IGF1R: variants seen among roughly 807,000 people sequenced by gnomAD.
IGF1R encodes the protein insulin-like growth factor 1 receptor.
A neutral mutation model predicts 144.6 loss-of-function variants in IGF1R; 44 were observed. The ratio of observed to expected loss-of-function variants is 0.30; its 90% CI spans 0.24 to 0.39. The LOEUF (loss-of-function observed/expected upper bound fraction) is 0.39. Ranked by LOEUF, IGF1R falls within the 10% of genes least tolerant of loss-of-function variation. IGF1R has a pLI of 1.00. For missense variants in IGF1R, 1,355 were observed against 1,833.7 expected, an observed-to-expected ratio of 0.74 and a Z score of 4.77; for synonymous variants, 795 against 722.8, an observed-to-expected ratio of 1.10 and a Z score of -1.60.
At chr15:98,951,348 C>T (rs959828974) in intron 20 of IGF1R, among the ~76,000 whole-genome samples, 4 of 152,240 alleles carry the variant, frequency 2.6e-5, no homozygotes, top group Admixed American at 1.3e-4. Context: ...CCCAGCATGG[C>T]CTCTTCAGAA....
intron 2 of IGF1R, among the ~76,000 whole-genome samples, chr15:98,759,684 G>A (rs534516200): frequency 1.1e-4 from 16 of 152,250 alleles, no homozygotes; most frequent in Non-Finnish European, 1.5e-4. Flanking sequence ...TAGGGACCTG[G>A]GGCAATATGT....
chr15:98,763,799 G>C (rs185863723), intron 2 of IGF1R, among the ~76,000 whole-genome samples: 10 of 152,306 alleles, frequency 6.6e-5, no homozygotes. Flanking sequence ...AAATGAGTGG[G>C]TTGTCCAGGT....
At chr15:98,780,560 AAAAAAAAAAAAAAAAGAGAG>A (rs1272636040) in intron 2 of IGF1R, among the ~76,000 whole-genome samples, 3 of 17,976 alleles carry the variant, frequency 1.7e-4, no homozygotes, top group African/African-American at 2.9e-4. Context: ...AAAAAAAAAA[AAAAAAAAAAAAAAAAGAGAG>A]AGAGAGTAAA....
rs1446592274 is a variant in IGF1R at position 98,908,673 on chromosome 15, C to T, written c.1248-12C>T. ...AGGGCAGGTGCGCTAACATCGATTT[C>T]TGTGCTTCTAGGAATTACTCCTTCT... On this transcript the variant is annotated splice_polypyrimidine_tract_variant and intron_variant, in intron 5 of 20. Transcript: ENST00000650285. 1 of 1,611,880 alleles carries T rather than the reference C, an allele frequency of 6.2e-7. No homozygotes were observed. The highest frequency in any genetic ancestry group is 8.5e-7 in the Non-Finnish European group (1 of 1,178,568).
At chr15:98,806,364 C>G (rs767116797) in intron 2 of IGF1R, among the ~76,000 whole-genome samples, 61 of 152,260 alleles carry the variant, frequency 4.0e-4, no homozygotes, top group Admixed American at 1.2e-3. Context: ...GTGTGGTGTC[C>G]AAGCTGACTT....
In IGF1R at chr15:98,960,283, T is replaced by C. The variant is rs2017171491; in HGVS notation, c.*2841T>C. The C allele has an allele frequency of 5.4e-6, 1 of 185,406 alleles. No individual in the cohort carries two copies. Among genetic ancestry groups the C allele is most frequent in the African/African-American group, 2.6e-5 (1 of 38,260 alleles). The allele number at this position is 185,406 out of a possible 1,614,324, so 11.5% of individuals were successfully genotyped here. A position where few individuals can be genotyped will look rare whatever the true frequency, so the allele number is the denominator to read the frequency against. On this transcript the variant is annotated 3_prime_UTR_variant, in exon 21 of 21. Coordinates refer to ENST00000650285, the MANE Select transcript of IGF1R (RefSeq NM_000875.5). The stretch of plus-strand genomic sequence containing the variant: ...CTTGCCTTTTTCTGAGATGTCCTGT[T>C]TTGTGTTGCTTTTTTTGTTTTGTTT...
chr15:98,795,477 T>C (rs967892971), intron 2 of IGF1R, among the ~76,000 whole-genome samples: 1 of 152,104 alleles, frequency 6.6e-6, no homozygotes. Flanking sequence ...TGCAGTGGCA[T>C]GATCTCGGCT....
intron 15 of IGF1R, among the ~76,000 whole-genome samples, chr15:98,934,004 C>A (rs1315459509): frequency 6.6e-6 from 1 of 152,112 alleles, no homozygotes; most frequent in Non-Finnish European, 1.5e-5. Flanking sequence ...AGAAACAGAT[C>A]AAATGCATTT....
chr15:98,736,084 AAAG>A (rs1321327816), intron 2 of IGF1R, among the ~76,000 whole-genome samples: 12 of 152,254 alleles, frequency 7.9e-5, no homozygotes, highest in African/African-American at 2.9e-4. Flanking sequence ...TTTTTATTAA[AAAG>A]AAAAACAATC....
chr15:98,697,882 C>T (rs113653733), intron 1 of IGF1R, among the ~76,000 whole-genome samples: 16,504 of 146,642 alleles, frequency 0.11, 1,601 homozygotes, highest in African/African-American at 0.27. Flanking sequence ...GAATTACACG[C>T]GCCCGCCACC....
chr15:98,767,624 A>G (rs75861073), intron 2 of IGF1R, among the ~76,000 whole-genome samples: 8,483 of 152,312 alleles, frequency 0.056, 280 homozygotes, highest in East Asian at 0.12. Context: ...CGAATCTTGT[A>G]GGTAGATTTA....
At chr15:98,884,059 T>C (rs1480080415) in intron 2 of IGF1R, among the ~76,000 whole-genome samples, 1 of 152,180 alleles carries the variant, frequency 6.6e-6, no homozygotes, top group Non-Finnish European at 1.5e-5. Flanking sequence ...CAGATGAATA[T>C]ACTGTAATCC....
In IGF1R at chr15:98,742,532, A is replaced by T. The variant is rs575112963; in HGVS notation, c.640+34425A>T. Among the ~76,000 whole-genome samples, 12 of 152,282 alleles carry T rather than the reference A, an allele frequency of 7.9e-5. No individual in the cohort carries two copies. The East Asian group carries it at 2.1e-3, about 27-fold the overall frequency. ...TGTAACACTTTCCAAAGGGATTAAA[A>T]TAATTCTGTAGAGTTAACCCTAGGC... On this transcript the variant is annotated intron_variant, in intron 2 of 20. Coordinates refer to ENST00000650285, the MANE Select transcript of IGF1R (RefSeq NM_000875.5).
intron 2 of IGF1R, among the ~76,000 whole-genome samples, chr15:98,788,054 CTCTCTCTCTG>C (rs796182178): frequency 6.7e-4 from 96 of 142,358 alleles, no homozygotes; most frequent in Non-Finnish European, 1.0e-3. Flanking sequence ...CTCTCTCTCT[CTCTCTCTCTG>C]TGTGTGTGTG....
At chr15:98,953,699 G>A (rs894880573) in intron 20 of IGF1R, among the ~76,000 whole-genome samples, 1 of 152,204 alleles carries the variant, frequency 6.6e-6, no homozygotes, top group South Asian at 2.1e-4. Context: ...GACGTCTTTG[G>A]TCTACAGGAT....
At position 98,649,549 on chromosome 15, in the gene IGF1R, TGAGAAAGGGGA is replaced by T; in HGVS notation, c.-32_-22del. 5 of 651,918 alleles carry T rather than the reference TGAGAAAGGGGA, an allele frequency of 7.7e-6. No homozygotes were observed. Among genetic ancestry groups the T allele is most frequent in the East Asian group, 6.4e-5 (2 of 31,480 alleles). The allele number at this position is 651,918 out of a possible 1,614,324, so 40.4% of individuals were successfully genotyped here. On this transcript the variant is annotated 5_prime_UTR_variant, in exon 1 of 21. Coordinates refer to ENST00000650285, the MANE Select transcript of IGF1R (RefSeq NM_000875.5). ...TCTTTTTTTTTTTTTTTTTTTTTTT[TGAGAAAGGGGA>T]ATTTCATCCCAAATAAAAGGAATGA...
At chr15:98,920,966 GT>G (rs1486302594) in intron 10 of IGF1R, among the ~76,000 whole-genome samples, 1 of 152,204 alleles carries the variant, frequency 6.6e-6, no homozygotes, top group African/African-American at 2.4e-5. Context: ...CTTCTGGGCT[GT>G]TCCGTTCCCT....
Position 98,879,492 on chromosome 15 carries a change from G to T in IGF1R, c.641-11833G>T, listed in dbSNP as rs528379088. Among the ~76,000 whole-genome samples, 8 of 152,312 alleles carry T rather than the reference G, an allele frequency of 5.3e-5. No individual in the cohort carries two copies. The East Asian group carries it at 1.5e-3, about 29-fold the overall frequency. The stretch of plus-strand genomic sequence containing the variant: ...CCATCATTAGAGCACGTGTCCTGCT[G>T]ACTCGGAGCAGAGGGGAGGCACACG... On this transcript the variant is annotated intron_variant, in intron 2 of 20. Coordinates refer to ENST00000650285, the MANE Select transcript of IGF1R (RefSeq NM_000875.5).
chr15:98,918,676 C>A (rs888875404), intron 10 of IGF1R, among the ~76,000 whole-genome samples: 1 of 152,130 alleles, frequency 6.6e-6, no homozygotes, highest in East Asian at 1.9e-4. Context: ...ATCAGGCGTT[C>A]GAGACCAGCC....
Sources: allele counts gnomAD v4.1 joint callset (sites outside exome capture counted in the v4.1 genomes callset), GRCh38; gene constraint gnomAD v4.1.1; transcripts MANE v1.5; gene names NCBI Gene and HGNC (gene_info 2026-07-23, HGNC 2026-07-21).